Variants in CCNY observed in about 807,000 individuals in gnomAD.
CCNY encodes the protein cyclin Y.
A neutral mutation model predicts 42.8 loss-of-function variants in CCNY; 19 were observed. That is an observed-to-expected ratio of 0.44 (90% CI 0.31 to 0.65). The LOEUF (loss-of-function observed/expected upper bound fraction) is 0.65. Among genes scored for constraint, CCNY ranks in the 30% least tolerant of loss-of-function variants. The pLI is 0.07. For missense variants in CCNY, 370 were observed against 437.3 expected, an observed-to-expected ratio of 0.85 and a Z score of 1.37; for synonymous variants, 165 against 162.7, an observed-to-expected ratio of 1.01 and a Z score of -0.11.
intron 1 of CCNY, among the ~76,000 whole-genome samples, chr10:35,422,103 T>C (rs1157681987): frequency 6.6e-6 from 1 of 152,236 alleles, no homozygotes; most frequent in Non-Finnish European, 1.5e-5. Context: ...TTTTGACTTA[T>C]TTTGTATTCT....
chr10:35,564,747 C>A (rs1002334849), intron 8 of CCNY, among the ~76,000 whole-genome samples: 2 of 152,224 alleles, frequency 1.3e-5, no homozygotes, highest in Non-Finnish European at 2.9e-5. Flanking sequence ...CTGCCTGAAA[C>A]ACCCCCTCCT....
At chr10:35,371,367 TG>T (rs1474323549) in intron 1 of CCNY, among the ~76,000 whole-genome samples, 1 of 152,234 alleles carries the variant, frequency 6.6e-6, no homozygotes, top group Non-Finnish European at 1.5e-5. Flanking sequence ...TTACTGAGCC[TG>T]GATTAGTTGT....
intron 3 of CCNY, among the ~76,000 whole-genome samples, chr10:35,270,738 T>C (rs1245585659): frequency 6.7e-6 from 1 of 149,430 alleles, no homozygotes; most frequent in African/African-American, 2.5e-5. Flanking sequence ...CTTTTTTTTT[T>C]TTTTTGAGAC....
exon 1 of CCNY, chr10:35,247,078 G>A (rs188291762): frequency 6.5e-6 from 1 of 153,572 alleles, no homozygotes; most frequent in Non-Finnish European, 1.4e-5. Context: ...ACCAGGTTGA[G>A]AGCCGCCTGG....
At chr10:35,444,474 C>G (rs763540468) in intron 1 of CCNY, among the ~76,000 whole-genome samples, 7 of 152,188 alleles carry the variant, frequency 4.6e-5, no homozygotes, top group Non-Finnish European at 7.3e-5. Context: ...TGTTGAACTC[C>G]TGACCTCAAG....
upstream of CCNY, among the ~76,000 whole-genome samples, chr10:35,331,576 C>G (rs114897774): frequency 6.6e-6 from 1 of 152,188 alleles, no homozygotes; most frequent in Non-Finnish European, 1.5e-5. Context: ...CCCTCCCTCA[C>G]TCGTTCCCTC....
chr10:35,501,183 A>G (rs1158118504), intron 2 of CCNY, among the ~76,000 whole-genome samples: 4 of 152,198 alleles, frequency 2.6e-5, no homozygotes, highest in African/African-American at 7.2e-5. Context: ...AAACTAATAG[A>G]TGCATATGAG....
intron 1 of CCNY, among the ~76,000 whole-genome samples, chr10:35,448,084 G>A (rs539499750): frequency 4.2e-4 from 64 of 152,326 alleles, no homozygotes; most frequent in African/African-American, 1.5e-3. Context: ...CGCCTTCACT[G>A]TGGGAACCAG....
intron 1 of CCNY, among the ~76,000 whole-genome samples, chr10:35,479,452 T>C (rs1406064416): frequency 1.4e-5 from 2 of 142,898 alleles, no homozygotes; most frequent in African/African-American, 5.2e-5. Context: ...TCATGTCCTT[T>C]GTAGGGACAT....
At position 35,345,898 on chromosome 10, in the gene CCNY, C is replaced by T. The variant is rs572665221; in HGVS notation, c.154+8691C>T. On this transcript the variant is annotated intron_variant, in intron 1 of 9. Transcript: ENST00000374704. ...TTTCTGAAGTCAGTGTGATGCCACA[C>T]AGGAGCAGTGGGATGAATATTTGAA... Among the ~76,000 whole-genome samples, 3 of 152,280 alleles carry T rather than the reference C, an allele frequency of 2.0e-5. No individual in the cohort carries two copies. The South Asian group carries it at 6.2e-4, about 32-fold the overall frequency.
chr10:35,467,090 C>T (rs80039464), intron 1 of CCNY, among the ~76,000 whole-genome samples: 3 of 152,256 alleles, frequency 2.0e-5, no homozygotes, highest in East Asian at 3.9e-4. Flanking sequence ...CAGCATGCAC[C>T]CCATGGCTTG....
chr10:35,481,208 A>C (rs1839661182), intron 1 of CCNY, among the ~76,000 whole-genome samples: 1 of 152,208 alleles, frequency 6.6e-6, no homozygotes, highest in South Asian at 2.1e-4. Flanking sequence ...GCATTTCACC[A>C]TCCAAATGAT....
At chr10:35,434,964 A>G (rs1838496138) in intron 1 of CCNY, among the ~76,000 whole-genome samples, 1 of 152,218 alleles carries the variant, frequency 6.6e-6, no homozygotes, top group Non-Finnish European at 1.5e-5. Context: ...AGAGAACAGA[A>G]TGATCTGTGC....
At chr10:35,339,105 A>G (rs1836117821) in intron 1 of CCNY, among the ~76,000 whole-genome samples, 1 of 152,188 alleles carries the variant, frequency 6.6e-6, no homozygotes, top group African/African-American at 2.4e-5. Context: ...CTCATCCCAG[A>G]TCCCAGTTCA....
At position 35,530,275 on chromosome 10, in the gene CCNY, C is replaced by G; in HGVS notation, c.579+32C>G. ...GCCCTCAGGATGGCCACACCCATCC[C>G]CAGCCGAGGTGGTCCAGGGCCCGTT... On this transcript the variant is annotated intron_variant, in intron 7 of 9. Coordinates refer to ENST00000374704, the MANE Select transcript of CCNY (RefSeq NM_145012.6). The surrounding 1 kb of genome is among the most constrained non-coding windows in gnomAD (Gnocchi z 4.3). 1 of 1,613,532 alleles carries G rather than the reference C, an allele frequency of 6.2e-7. No homozygotes were observed. The highest frequency in any genetic ancestry group is 8.5e-7 in the Non-Finnish European group (1 of 1,179,846).
At chr10:35,555,965 A>C (rs1421161048) in intron 8 of CCNY, among the ~76,000 whole-genome samples, 4 of 152,194 alleles carry the variant, frequency 2.6e-5, no homozygotes, top group Non-Finnish European at 4.4e-5. Context: ...TTACTCATTA[A>C]GATTTTGAAA....
intron 1 of CCNY, among the ~76,000 whole-genome samples, chr10:35,340,714 T>C (rs1248969558): frequency 3.3e-5 from 5 of 152,112 alleles, no homozygotes; most frequent in South Asian, 4.1e-4. Context: ...ATATTTGTTA[T>C]ACTGGTCTCG....
chr10:35,486,803 A>G (rs2135372504), intron 2 of CCNY, among the ~76,000 whole-genome samples: 1 of 152,200 alleles, frequency 6.6e-6, no homozygotes, highest in Non-Finnish European at 1.5e-5. Flanking sequence ...CACTTGCCTC[A>G]CACCTGGATT....
At position 35,530,650 on chromosome 10, in the gene CCNY, A is replaced by G. The variant is rs1209621403; in HGVS notation, c.579+407A>G. ...TGATGAATACATTCATCTTATATGAACACTTGTCTAGGAAGGAGTGTGTAT... is the reference window on the plus strand; with the variant it reads ...TGATGAATACATTCATCTTATATGAGCACTTGTCTAGGAAGGAGTGTGTAT... On this transcript the variant is annotated intron_variant, in intron 7 of 9. Transcript: ENST00000374704. The surrounding 1 kb of genome is among the most constrained non-coding windows in gnomAD (Gnocchi z 4.3). Among the ~76,000 whole-genome samples, 1 of 152,212 alleles carries G rather than the reference A, an allele frequency of 6.6e-6. No individual in the cohort carries two copies. Among genetic ancestry groups the G allele is most frequent in the Non-Finnish European group, 1.5e-5 (1 of 68,038 alleles).
Sources: allele counts gnomAD v4.1 joint callset (sites outside exome capture counted in the v4.1 genomes callset), GRCh38; gene constraint gnomAD v4.1.1; non-coding constraint Gnocchi (gnomAD v3.1); transcripts MANE v1.5; gene names NCBI Gene and HGNC (gene_info 2026-07-23, HGNC 2026-07-21).